Variants in KIF2A observed in about 807,000 individuals in gnomAD.
The protein encoded by KIF2A is kinesin family member 2A, also known as kinesin-like protein KIF2A.
In KIF2A, 22 loss-of-function variants were observed where a neutral mutation model predicts 100.2. The ratio of observed to expected loss-of-function variants is 0.22; its 90% CI spans 0.16 to 0.31. The LOEUF is 0.31. Among genes scored for constraint, KIF2A ranks in the 10% least tolerant of loss-of-function variants. KIF2A has a pLI of 1.00. For missense variants in KIF2A, 495 were observed against 898.7 expected (o/e 0.55, Z 5.74); for synonymous variants, 268 against 285.9 (o/e 0.94, Z 0.63).
At chr5:62,341,357 G>T (rs934241170) in intron 1 of KIF2A, among the ~76,000 whole-genome samples, 1 of 151,628 alleles carries the variant, frequency 6.6e-6, no homozygotes, top group Non-Finnish European at 1.5e-5. Context: ...CTGGAGTGCC[G>T]TGGCACAATC....
intron 2 of KIF2A, 75 bp downstream of exon 2, chr5:62,347,299 C>A (rs879400224): frequency 9.0e-6 from 7 of 779,228 alleles, no homozygotes. Context: ...CAGAAAAGTA[C>A]ATAATGTTAT....
At chr5:62,331,649 A>G (rs889235816) in intron 1 of KIF2A, among the ~76,000 whole-genome samples, 1 of 152,016 alleles carries the variant, frequency 6.6e-6, no homozygotes. Context: ...AGAAATTTTT[A>G]TAGAAACGTC....
At chr5:62,379,764 A>T (rs1561282527) in intron 19 of KIF2A, among the ~76,000 whole-genome samples, 4 of 152,232 alleles carry the variant, frequency 2.6e-5, no homozygotes, top group African/African-American at 2.4e-5. Context: ...GGTGCTATAT[A>T]GTCTAATTAT....
rs1486350001 is a variant in KIF2A, at chr5:62,306,485, A to G, written c.13A>G (p.Asn5Asp). 6.6e-7 allele frequency: 1 copy of G among 1,504,572 alleles called. No individual in the cohort carries two copies. Among genetic ancestry groups the G allele is most frequent in the Non-Finnish European group, 8.9e-7 (1 of 1,120,004 alleles). The allele number at this position is 1,504,572 out of a possible 1,614,324, so 93.2% of individuals were successfully genotyped here. A position where few individuals can be genotyped will look rare whatever the true frequency, so the allele number is the denominator to read the frequency against. Residue 5 changes from asparagine to aspartate, a missense_variant, in exon 1 of 21, where the codon AAC becomes GAC. By Grantham distance (23) the Asn-to-Asp change is conservative (BLOSUM62 1). Coordinates refer to ENST00000407818, the MANE Select transcript of KIF2A (RefSeq NM_001098511.3). The part of the protein sequence containing the change: MATA[N>D]FGKIQIGIYV... ...TCCAGATGAGGTGATGGCAACGGCCAACTTCGGCAAGATCCAGATCGGGAT... is the reference window on the plus strand; with the variant it reads ...TCCAGATGAGGTGATGGCAACGGCCGACTTCGGCAAGATCCAGATCGGGAT...
chr5:62,370,667 GA>G (rs1367075174), intron 16 of KIF2A, among the ~76,000 whole-genome samples: 9 of 151,774 alleles, frequency 5.9e-5, no homozygotes, highest in Admixed American at 3.3e-4. Flanking sequence ...TTGTCTCAAG[GA>G]AAAAAAATTT....
At chr5:62,327,458 C>T (rs1222852855) in intron 1 of KIF2A, among the ~76,000 whole-genome samples, 1 of 152,184 alleles carries the variant, frequency 6.6e-6, no homozygotes, top group Non-Finnish European at 1.5e-5. Context: ...GATATCACCT[C>T]TGCTGAGAAT....
intron 1 of KIF2A, among the ~76,000 whole-genome samples, chr5:62,337,813 TA>T (rs59410551): frequency 0.021 from 2,913 of 136,088 alleles, 62 homozygotes; most frequent in African/African-American, 0.064. Flanking sequence ...CCCGAACTCT[TA>T]AAAAAAAAAA....
chr5:62,342,692 TC>T (rs1284361100), intron 1 of KIF2A, among the ~76,000 whole-genome samples: 1 of 152,140 alleles, frequency 6.6e-6, no homozygotes, highest in African/African-American at 2.4e-5. Flanking sequence ...CACAGCCACT[TC>T]CTTCATAGGT....
At chr5:62,382,566 T>C (rs1328478958) in intron 20 of KIF2A, among the ~76,000 whole-genome samples, 3 of 152,184 alleles carry the variant, frequency 2.0e-5, no homozygotes, top group Non-Finnish European at 4.4e-5. Flanking sequence ...GATTTCAGAT[T>C]TTTTCAGATT....
At chr5:62,349,298 AAAAGTATTAAAAATATTTTT>A (rs1361644690) in intron 3 of KIF2A, among the ~76,000 whole-genome samples, 41 of 151,478 alleles carry the variant, frequency 2.7e-4, no homozygotes, top group Middle Eastern at 3.4e-3. Flanking sequence ...AAGTATTTTT[AAAAGTATTAAAAATATTTTT>A]AAAGTATTAA....
chr5:62,332,706 C>T (rs950864092), intron 1 of KIF2A, among the ~76,000 whole-genome samples: 5 of 152,066 alleles, frequency 3.3e-5, no homozygotes, highest in Admixed American at 2.0e-4. Flanking sequence ...TGTATCAACA[C>T]GAACTCCCTA....
intron 1 of KIF2A, among the ~76,000 whole-genome samples, chr5:62,336,417 G>A (rs151199879): frequency 8.5e-5 from 13 of 152,286 alleles, no homozygotes; most frequent in African/African-American, 3.1e-4. Flanking sequence ...ACTGTGCACT[G>A]GGAAAAGTCA....
At chr5:62,361,413 T>C in intron 10 of KIF2A, 53 bp from the exon 11 acceptor site, 8 of 1,430,374 alleles carry the variant, frequency 5.6e-6, no homozygotes, top group Non-Finnish European at 6.9e-6. Context: ...AACTAAATTC[T>C]TAAGAGTTAT....
intron 16 of KIF2A, among the ~76,000 whole-genome samples, chr5:62,371,462 T>C (rs1420903975): frequency 6.6e-6 from 1 of 152,234 alleles, no homozygotes; most frequent in Non-Finnish European, 1.5e-5. Flanking sequence ...GAATTTCATT[T>C]AGTTCAACCT....
intron 1 of KIF2A, among the ~76,000 whole-genome samples, chr5:62,315,685 G>T (rs1341154630): frequency 1.2e-4 from 18 of 152,192 alleles, no homozygotes; most frequent in Non-Finnish European, 1.2e-4. Flanking sequence ...TAAAGACCTG[G>T]AAACAGAGGT....
intron 1 of KIF2A, chr5:62,307,008 A>C (rs2111752797): frequency 6.7e-6 from 1 of 150,040 alleles, no homozygotes; most frequent in Non-Finnish European, 1.5e-5. Flanking sequence ...CATTTAGAGA[A>C]CCGACTGCTG....
chr5:62,355,048 A>G lies in KIF2A; in HGVS notation c.559-111A>G, dbSNP rs532920386. ...TATATAATATCGTCAGTTTAAGTTT[A>G]GGCTTGGTTATGACAAATGGCACAA... is the stretch of plus-strand genomic sequence containing the variant. On this transcript the variant is annotated intron_variant, in intron 6 of 20. Coordinates refer to ENST00000407818, the MANE Select transcript of KIF2A (RefSeq NM_001098511.3). The G allele has an allele frequency of 4.4e-5, 26 of 585,678 alleles. 1 individual carries two copies. The South Asian group carries it at 6.4e-4, about 14-fold the overall frequency. The allele number at this position is 585,678 out of a possible 1,614,324, so 36.3% of individuals were successfully genotyped here.
intron 5 of KIF2A, 88 bp downstream of exon 5, chr5:62,352,798 C>T (rs1747920211): frequency 4.0e-6 from 4 of 1,000,996 alleles, no homozygotes; most frequent in South Asian, 4.1e-5. Flanking sequence ...AAAGAGTAAA[C>T]ACTCTAAATA....
At chr5:62,384,207 C>G (rs968591471) in intron 20 of KIF2A, among the ~76,000 whole-genome samples, 2 of 152,116 alleles carry the variant, frequency 1.3e-5, no homozygotes, top group African/African-American at 4.8e-5. Context: ...CGAGATCACG[C>G]CACTGCACTC....
Sources: allele counts gnomAD v4.1 joint callset (sites outside exome capture counted in the v4.1 genomes callset), GRCh38; gene constraint gnomAD v4.1.1; transcripts MANE v1.5; gene names NCBI Gene and HGNC (gene_info 2026-07-23, HGNC 2026-07-21).